The following NCOA3 variants were observed in gnomAD, a reference collection of about 807,000 sequenced individuals.
The protein encoded by NCOA3 is nuclear receptor coactivator 3.
In NCOA3, 51 loss-of-function variants were observed where a neutral mutation model predicts 158.8. The observed-to-expected ratio is 0.32, with a 90% CI of 0.26 to 0.41. NCOA3 has a LOEUF of 0.41. NCOA3 is among the 10% of genes least tolerant of loss of function. NCOA3 has a pLI of 1.00. For missense variants in NCOA3, 1,510 were observed against 1,746.6 expected, an observed-to-expected ratio of 0.86 and a Z score of 2.41; for synonymous variants, 537 against 592.4, an observed-to-expected ratio of 0.91 and a Z score of 1.36.
At chr20:47,571,774 CT>C (rs1164356517) in intron 1 of NCOA3, among the ~76,000 whole-genome samples, 1 of 152,114 alleles carries the variant, frequency 6.6e-6, no homozygotes, top group Non-Finnish European at 1.5e-5. Flanking sequence ...AGTCTGCAGG[CT>C]GCAGTGCTGT....
chr20:47,514,200 AT>A (rs962787893), intron 1 of NCOA3, among the ~76,000 whole-genome samples: 16 of 142,564 alleles, frequency 1.1e-4, no homozygotes, highest in African/African-American at 2.3e-4. Flanking sequence ...TTTTACTTTT[AT>A]TTTTTTGAAT....
intron 19 of NCOA3, 121 bp downstream of exon 19, chr20:47,649,230 GA>G (rs2086741352): frequency 1.8e-6 from 1 of 567,032 alleles, no homozygotes; most frequent in African/African-American, 1.9e-5. Flanking sequence ...TCTTGTGTAA[GA>G]AAGCAGTCGC....
chr20:47,609,485 G>A (rs1167733171), intron 2 of NCOA3, among the ~76,000 whole-genome samples: 2 of 152,142 alleles, frequency 1.3e-5, no homozygotes, highest in African/African-American at 4.8e-5. Context: ...CAGAAAAAAA[G>A]TTCTTTAAAG....
chr20:47,553,200 G>A (rs1375043509), intron 1 of NCOA3, among the ~76,000 whole-genome samples: 2 of 152,076 alleles, frequency 1.3e-5, no homozygotes, highest in African/African-American at 4.8e-5. Flanking sequence ...CTCCTGAAGT[G>A]TTAGGATTAC....
At chr20:47,640,329 A>T (rs1473696291) in intron 16 of NCOA3, among the ~76,000 whole-genome samples, 2 of 152,210 alleles carry the variant, frequency 1.3e-5, no homozygotes, top group Non-Finnish European at 1.5e-5. Context: ...CTGTGAGATG[A>T]TTGTCTCTCT....
intron 16 of NCOA3, among the ~76,000 whole-genome samples, chr20:47,640,618 C>CGAG (rs1032339850): frequency 1.3e-5 from 2 of 151,606 alleles, no homozygotes; most frequent in African/African-American, 4.9e-5. Flanking sequence ...TGGTGGCTCA[C>CGAG]GCCTGTAATC....
intron 2 of NCOA3, among the ~76,000 whole-genome samples, chr20:47,608,860 A>T (rs1235588771): frequency 1.3e-5 from 2 of 152,158 alleles, no homozygotes; most frequent in Non-Finnish European, 2.9e-5. Context: ...ATCTTGTAGC[A>T]CACCCAGTTC....
chr20:47,570,660 C>T (rs1435588644), intron 1 of NCOA3, among the ~76,000 whole-genome samples: 4 of 151,944 alleles, frequency 2.6e-5, no homozygotes, highest in African/African-American at 4.8e-5. Context: ...GACCTCCTCC[C>T]GTGAATCAGA....
At chr20:47,542,009 G>GTTTT (rs755173294) in intron 1 of NCOA3, among the ~76,000 whole-genome samples, 819 of 56,280 alleles carry the variant, frequency 0.015, 42 homozygotes, top group African/African-American at 0.052. Context: ...GCCCTGTAGA[G>GTTTT]TTTTTTTTTT....
At position 47,649,044 on chromosome 20, in the gene NCOA3, G is replaced by C. The variant is rs2086737265; in HGVS notation, c.3586G>C (p.Glu1196Gln). 3 of 1,613,912 alleles carry C rather than the reference G, an allele frequency of 1.9e-6. No individual in the cohort carries two copies. The South Asian group carries it at 3.3e-5, about 18-fold the overall frequency. ...QSRQALELKM[E>Q]NPTAGGAAVM... is the part of the protein sequence containing the mutation. ...CCGACAGGCACTTGAATTGAAAATG[G>C]AAAACCCTACTGCTGGTGGTGCTGC... The change falls in exon 19 of 23, where the codon GAA becomes CAA. Residue 1196 changes from glutamate to glutamine, a missense_variant. Coordinates refer to ENST00000371998, the MANE Select transcript of NCOA3 (RefSeq NM_181659.3).
chr20:47,605,397 TTGTG>T (rs111580055), intron 2 of NCOA3, among the ~76,000 whole-genome samples: 14 of 151,324 alleles, frequency 9.3e-5, no homozygotes, highest in African/African-American at 2.2e-4. Flanking sequence ...TAGGTTTTGT[TTGTG>T]TGTGTGTGTG....
chr20:47,627,388 T>A (rs1276898702), intron 6 of NCOA3, among the ~76,000 whole-genome samples, 173 bp from the exon 7 acceptor site: 1 of 152,202 alleles, frequency 6.6e-6, no homozygotes, highest in Non-Finnish European at 1.5e-5. Context: ...GCAGTGAGAT[T>A]TCTGTTAAAG....
At chr20:47,544,724 T>TA (rs2084801416) in intron 1 of NCOA3, among the ~76,000 whole-genome samples, 1 of 152,210 alleles carries the variant, frequency 6.6e-6, no homozygotes, top group Non-Finnish European at 1.5e-5. Flanking sequence ...TTCCAGTTTT[T>TA]ATCTCTTCAT....
Position 47,639,731 on chromosome 20 carries a change from G to A in NCOA3, c.2862G>A (p.Leu954=). ...ATACTTCTTTACCCAGACCTGCACT[G>A]GGTGGCTCTATTCCCACATTGCCTC... is the stretch of plus-strand genomic sequence containing the variant. The part of the protein sequence containing the change: ...DYNTSLPRPA[L]GGSIPTLPLR... The change falls in exon 15 of 23, where the codon CTG becomes CTA. Residue 954 remains leucine, a synonymous_variant. Transcript: ENST00000371998. 1 of 1,614,184 alleles carries A rather than the reference G, an allele frequency of 6.2e-7. No individual in the cohort carries two copies. The highest frequency in any genetic ancestry group is 8.5e-7 in the Non-Finnish European group (1 of 1,180,044).
intron 2 of NCOA3, among the ~76,000 whole-genome samples, chr20:47,615,357 A>C (rs1186915575): frequency 6.6e-6 from 1 of 152,216 alleles, no homozygotes; most frequent in Non-Finnish European, 1.5e-5. Flanking sequence ...GTCCCTCAAA[A>C]TAACTTCTTG....
At chr20:47,615,670 A>G (rs1181114195) in intron 2 of NCOA3, among the ~76,000 whole-genome samples, 3 of 152,208 alleles carry the variant, frequency 2.0e-5, no homozygotes, top group African/African-American at 7.2e-5. Flanking sequence ...CTAAGCTTCA[A>G]CATGTTCCAT....
chr20:47,596,749 CTAAT>C (rs1156625418), intron 2 of NCOA3, among the ~76,000 whole-genome samples: 5 of 152,062 alleles, frequency 3.3e-5, no homozygotes, highest in Non-Finnish European at 5.9e-5. Flanking sequence ...CCACACTTGA[CTAAT>C]TAATATTTTT....
chr20:47,505,520 A>AACACTGTATT (rs1416766732), intron 1 of NCOA3, among the ~76,000 whole-genome samples: 5 of 152,168 alleles, frequency 3.3e-5, no homozygotes, highest in Non-Finnish European at 4.4e-5. Context: ...GTTACCCTGT[A>AACACTGTATT]AAGCTATCTA....
chr20:47,647,291 C>T lies in NCOA3; in HGVS notation c.3471C>T (p.Ala1157=). 6.2e-7 allele frequency: 1 copy of T among 1,614,148 alleles called. No homozygotes were observed. The highest frequency in any genetic ancestry group is 8.5e-7 in the Non-Finnish European group (1 of 1,180,032). The change falls in exon 18 of 23, where the codon GCC becomes GCT. Residue 1157 remains alanine (A), a synonymous_variant. Transcript: ENST00000371998. ...NFPLQGMHPR[A]NIMRPRTNTP... ...CTCTCCAAGGAATGCACCCACGAGCCAACATCATGAGACCCCGGACAAACA... is the reference window on the plus strand; with the variant it reads ...CTCTCCAAGGAATGCACCCACGAGCTAACATCATGAGACCCCGGACAAACA...
Sources: gnomAD v4.1 joint callset for allele counts (sites outside exome capture counted in the v4.1 genomes callset) on GRCh38, gnomAD v4.1.1 for gene constraint, MANE v1.5 for transcripts, NCBI Gene and HGNC (gene_info 2026-07-23, HGNC 2026-07-21) for gene names.